Variants in NINL observed in about 807,000 individuals in gnomAD.
The protein encoded by NINL is ninein like.
A neutral mutation model predicts 160.3 loss-of-function variants in NINL; 153 were observed. The observed-to-expected ratio is 0.95, with a 90% CI of 0.84 to 1.09. NINL has a LOEUF of 1.09. Ranked by LOEUF, NINL falls within the 50% of genes least tolerant of loss-of-function variation. NINL has a pLI of 0.00. For missense variants in NINL, 1,829 were observed against 1,764.0 expected, an observed-to-expected ratio of 1.04 and a Z score of -0.66; for synonymous variants, 800 against 734.8, an observed-to-expected ratio of 1.09 and a Z score of -1.43.
In NINL at chr20:25,511,442, T is replaced by C. The variant is rs2064068160; in HGVS notation, c.451-702A>G. Among the ~76,000 whole-genome samples, 3 of 152,172 alleles carry C rather than the reference T, an allele frequency of 2.0e-5. No individual in the cohort carries two copies. The South Asian group carries it at 6.2e-4, about 31-fold the overall frequency. The stretch of plus-strand genomic sequence containing the variant: ...AATCAAAGTCTGATTTGTCCAGGTG[T>C]TGTGTGTCCCCACAACTGACTGTGG... On this transcript the variant is annotated intron_variant, in intron 4 of 23. Coordinates refer to ENST00000278886, the MANE Select transcript of NINL (RefSeq NM_025176.6).
At chr20:25,544,603 G>A (rs1160633950) in intron 1 of NINL, among the ~76,000 whole-genome samples, 4 of 152,172 alleles carry the variant, frequency 2.6e-5, no homozygotes, top group African/African-American at 4.8e-5. Context: ...TCAGATGCAC[G>A]GGTCCTTGTG....
At chr20:25,541,835 T>TA (rs1356861932) in intron 1 of NINL, among the ~76,000 whole-genome samples, 4 of 152,138 alleles carry the variant, frequency 2.6e-5, no homozygotes, top group African/African-American at 9.7e-5. Flanking sequence ...GCTACCACTG[T>TA]AATAGCTGTA....
At chr20:25,498,138 G>A in intron 9 of NINL, 72 bp downstream of exon 9, 3 of 1,571,076 alleles carry the variant, frequency 1.9e-6, no homozygotes, top group Non-Finnish European at 2.6e-6. Context: ...TGTCCTTTGT[G>A]TCCCAGACCC....
At chr20:25,480,484 G>A (rs541790300) in intron 14 of NINL, among the ~76,000 whole-genome samples, 2 of 152,246 alleles carry the variant, frequency 1.3e-5, no homozygotes, top group East Asian at 3.9e-4. Flanking sequence ...CTCCCCACAT[G>A]ATTCACAGGA....
At chr20:25,504,777 A>C in intron 6 of NINL, 111 bp downstream of exon 6, 1 of 1,107,378 alleles carries the variant, frequency 9.0e-7, no homozygotes, top group Non-Finnish European at 1.3e-6. Flanking sequence ...TTTAGATTAG[A>C]AAGTGATGCA....
intron 4 of NINL, 24 bp downstream of exon 4, chr20:25,512,810 G>T (rs111851591): frequency 0.01 from 16,409 of 1,588,150 alleles, 113 homozygotes; most frequent in Non-Finnish European, 0.013. Flanking sequence ...TGGGCAGCTG[G>T]GGTGGGAGAG....
At chr20:25,567,140 A>C (rs2065006883) in intron 1 of NINL, among the ~76,000 whole-genome samples, 1 of 152,178 alleles carries the variant, frequency 6.6e-6, no homozygotes, top group Non-Finnish European at 1.5e-5. Context: ...AATACCTTTG[A>C]TGGGCTCATC....
At chr20:25,522,924 G>A (rs750239961) in intron 2 of NINL, among the ~76,000 whole-genome samples, 1 of 152,162 alleles carries the variant, frequency 6.6e-6, no homozygotes, top group Non-Finnish European at 1.5e-5. Flanking sequence ...TGATCTAGAG[G>A]TACTTTCAAC....
intron 1 of NINL, among the ~76,000 whole-genome samples, chr20:25,533,673 C>T (rs28714346): frequency 0.021 from 3,228 of 152,238 alleles, 103 homozygotes; most frequent in African/African-American, 0.073. Flanking sequence ...GACCACAAAA[C>T]GGGAAAAAGA....
Position 25,479,152 on chromosome 20 carries a change from T to C in NINL, c.1972A>G (p.Arg658Gly), listed in dbSNP as rs1247584174. ...AALKRNFEKE[R>G]KDMEQARRRE... Reference sequence around the variant, plus strand: ...CTGCGAGCCTGCTCCATGTCCTTCCTCTCCTTCTCAAAGTTCCTTTTCAGT... The same window carrying C: ...CTGCGAGCCTGCTCCATGTCCTTCCCCTCCTTCTCAAAGTTCCTTTTCAGT... The change falls in exon 16 of 24, where the codon AGG becomes GGG. Residue 658 changes from arginine to glycine, a missense_variant. Transcript: ENST00000278886. The C allele has an allele frequency of 6.2e-7, 1 of 1,612,426 alleles. No homozygotes were observed. Among genetic ancestry groups the C allele is most frequent in the Non-Finnish European group, 8.5e-7 (1 of 1,179,564 alleles).
intron 17 of NINL, among the ~76,000 whole-genome samples, chr20:25,470,989 C>T (rs1233612153): frequency 6.6e-6 from 1 of 152,116 alleles, no homozygotes; most frequent in Non-Finnish European, 1.5e-5. Context: ...ATACTGAAAG[C>T]CACATGATCT....
intron 8 of NINL, among the ~76,000 whole-genome samples, chr20:25,500,253 C>T (rs1490695537): frequency 6.6e-6 from 1 of 152,256 alleles, no homozygotes; most frequent in Non-Finnish European, 1.5e-5. Flanking sequence ...TGGCCTGCAT[C>T]CCTCTGGGAA....
At chr20:25,483,545 T>C (rs1256760562) in intron 13 of NINL, among the ~76,000 whole-genome samples, 1 of 152,250 alleles carries the variant, frequency 6.6e-6, no homozygotes, top group Non-Finnish European at 1.5e-5. Flanking sequence ...CTTCAGATCA[T>C]ATGCTGCAAA....
intron 1 of NINL, among the ~76,000 whole-genome samples, chr20:25,568,211 A>T (rs2065015590): frequency 1.4e-5 from 2 of 147,436 alleles, no homozygotes. Flanking sequence ...AAGAATTTAC[A>T]AATTTTCATT....
chr20:25,540,561 A>G (rs906526734), intron 1 of NINL, among the ~76,000 whole-genome samples: 7 of 152,330 alleles, frequency 4.6e-5, no homozygotes, highest in South Asian at 2.1e-4. Context: ...AGGTGTGCCA[A>G]TCACCTAGGG....
intron 7 of NINL, among the ~76,000 whole-genome samples, chr20:25,502,456 G>A (rs746571059): frequency 2.6e-5 from 4 of 152,142 alleles, no homozygotes; most frequent in African/African-American, 9.7e-5. Context: ...AGAGAGACCC[G>A]GTATTTGTGC....
chr20:25,549,488 C>T (rs564353895), intron 1 of NINL, among the ~76,000 whole-genome samples: 2 of 152,344 alleles, frequency 1.3e-5, no homozygotes, highest in Admixed American at 6.5e-5. Flanking sequence ...TCTCTCTGGC[C>T]GTTGCTCAGC....
At chr20:25,551,089 T>C (rs904869910) in intron 1 of NINL, among the ~76,000 whole-genome samples, 1 of 152,246 alleles carries the variant, frequency 6.6e-6, no homozygotes, top group African/African-American at 2.4e-5. Context: ...CAATGACTTT[T>C]ACCAAGCATA....
intron 1 of NINL, among the ~76,000 whole-genome samples, chr20:25,546,765 C>T (rs1445200012): frequency 2.0e-5 from 3 of 150,558 alleles, no homozygotes; most frequent in African/African-American, 2.4e-5. Context: ...GAGATACAAA[C>T]CCCACCGAGA....
Sources: allele counts gnomAD v4.1 joint callset (sites outside exome capture counted in the v4.1 genomes callset), GRCh38; gene constraint gnomAD v4.1.1; transcripts MANE v1.5; gene names NCBI Gene and HGNC (gene_info 2026-07-23, HGNC 2026-07-21).